RELN: variants seen among roughly 807,000 people sequenced by gnomAD.
RELN encodes the protein reelin.
In RELN, 108 loss-of-function variants were observed where a neutral mutation model predicts 427.6. The observed-to-expected ratio is 0.25, with a 90% confidence interval of 0.22 to 0.30. RELN has a LOEUF of 0.30. Ranked by LOEUF, RELN falls within the 10% of genes least tolerant of loss-of-function variation. The probability of loss-of-function intolerance (pLI) is 1.00; values close to 1 mark genes in which losing one functional copy is unlikely to be tolerated. For synonymous variants in RELN, 1,524 were observed against 1,513.4 expected, an observed-to-expected ratio of 1.01 and a Z score of -0.16; for missense variants, 3,715 against 4,302.8, an observed-to-expected ratio of 0.86 and a Z score of 3.82.
chr7:103,708,823 C>G (rs1789712445), intron 8 of RELN, among the ~76,000 whole-genome samples: 1 of 152,140 alleles, frequency 6.6e-6, no homozygotes. Flanking sequence ...GGTCACGCCC[C>G]TCAGAGGCCT....
At chr7:103,662,078 T>C (rs907314529) in intron 11 of RELN, among the ~76,000 whole-genome samples, 2 of 152,210 alleles carry the variant, frequency 1.3e-5, no homozygotes, top group Admixed American at 1.3e-4. Context: ...TTTTATTGAG[T>C]GCTAACTACC....
intron 64 of RELN, among the ~76,000 whole-genome samples, chr7:103,477,497 T>C (rs1419837101): frequency 6.6e-6 from 1 of 152,208 alleles, no homozygotes; most frequent in Non-Finnish European, 1.5e-5. Flanking sequence ...GAAATATTGG[T>C]GAGTGTAAGG....
At chr7:103,629,487 T>C (rs906022141) in intron 20 of RELN, among the ~76,000 whole-genome samples, 2 of 152,190 alleles carry the variant, frequency 1.3e-5, no homozygotes, top group Non-Finnish European at 2.9e-5. Flanking sequence ...TGGGGACTTA[T>C]ATAAGAGAGC....
At chr7:103,770,119 C>A (rs1791528061) in intron 4 of RELN, among the ~76,000 whole-genome samples, 1 of 152,160 alleles carries the variant, frequency 6.6e-6, no homozygotes, top group Non-Finnish European at 1.5e-5. Flanking sequence ...GAGTCTCACT[C>A]TATCGCCTAG....
At chr7:103,971,635 G>A (rs542763620) in intron 1 of RELN, among the ~76,000 whole-genome samples, 142 of 152,266 alleles carry the variant, frequency 9.3e-4, no homozygotes, top group Non-Finnish European at 1.5e-3. Context: ...ATGAAAAGTG[G>A]TATTATCTTT....
At chr7:103,848,602 C>G (rs1214477119) in intron 2 of RELN, among the ~76,000 whole-genome samples, 7 of 152,138 alleles carry the variant, frequency 4.6e-5, no homozygotes, top group Admixed American at 4.6e-4. Flanking sequence ...ACATTGCACT[C>G]TTCAATATCC....
At chr7:103,760,606 C>A (rs1424594767) in intron 4 of RELN, among the ~76,000 whole-genome samples, 1 of 151,686 alleles carries the variant, frequency 6.6e-6, no homozygotes, top group Admixed American at 6.6e-5. Flanking sequence ...GGTAAATGAG[C>A]TTTGAGCTAA....
intron 4 of RELN, among the ~76,000 whole-genome samples, chr7:103,773,401 GTCTCTCTCTCTCTCTCCCTCGCTCCCTC>G (rs1791650912): frequency 5.9e-4 from 5 of 8,444 alleles, no homozygotes; most frequent in South Asian, 4.2e-3. Flanking sequence ...CTCCCTCCCT[GTCTCTCTCTCTCTCTCCCTCGCTCCCTC>G]TCTCTCTCTC....
intron 53 of RELN, among the ~76,000 whole-genome samples, chr7:103,499,678 T>G (rs1828957898): frequency 6.6e-6 from 1 of 152,220 alleles, no homozygotes; most frequent in African/African-American, 2.4e-5. Flanking sequence ...GGATAGCAAA[T>G]GAATACGTTT....
intron 1 of RELN, among the ~76,000 whole-genome samples, chr7:103,947,604 C>A (rs1189024679): frequency 2.0e-5 from 3 of 152,146 alleles, no homozygotes; most frequent in Non-Finnish European, 2.9e-5. Context: ...GACTTCTATC[C>A]TCTAGAGCTG....
chr7:103,564,252 T>C (rs1354410882), intron 34 of RELN, among the ~76,000 whole-genome samples: 2 of 152,246 alleles, frequency 1.3e-5, no homozygotes. Flanking sequence ...TTCCCTTGCC[T>C]CTTGGTTGTA....
chr7:103,888,907 C>T (rs914124999), intron 2 of RELN, among the ~76,000 whole-genome samples: 1 of 152,198 alleles, frequency 6.6e-6, no homozygotes. Context: ...CTGACCCACA[C>T]TTATCATCCT....
intron 1 of RELN, among the ~76,000 whole-genome samples, chr7:103,926,667 C>T (rs1303259788): frequency 2.8e-5 from 3 of 108,314 alleles, no homozygotes; most frequent in Non-Finnish European, 5.4e-5. Flanking sequence ...TTTTTTGAGA[C>T]GGAGTCTCCC....
intron 51 of RELN, among the ~76,000 whole-genome samples, chr7:103,508,487 A>G (rs1253722354): frequency 6.6e-6 from 1 of 152,264 alleles, no homozygotes; most frequent in Non-Finnish European, 1.5e-5. Flanking sequence ...CTAGGTATTG[A>G]TGGAACATAT....
intron 3 of RELN, among the ~76,000 whole-genome samples, chr7:103,813,222 C>T (rs760286354): frequency 6.6e-6 from 1 of 152,078 alleles, no homozygotes. Flanking sequence ...TAGTCTCTCT[C>T]CCACCTCCAT....
At position 103,599,414 on chromosome 7, in the gene RELN, T is replaced by A. The variant is rs1357552650; in HGVS notation, c.3334-2753A>T. Among the ~76,000 whole-genome samples, 5 of 152,308 alleles carry A rather than the reference T, an allele frequency of 3.3e-5. No homozygotes were observed. In the East Asian group the frequency reaches 7.7e-4, roughly 24 times the overall value. On this transcript the variant is annotated intron_variant, in intron 24 of 64. Coordinates refer to ENST00000428762, the MANE Select transcript of RELN (RefSeq NM_005045.4). ...TGATTTCTTGTCAAGCCCCATTTAGTCATATGATCACTTATTAATTTTCCA... is the reference window on the plus strand; with the variant it reads ...TGATTTCTTGTCAAGCCCCATTTAGACATATGATCACTTATTAATTTTCCA...
intron 4 of RELN, among the ~76,000 whole-genome samples, chr7:103,761,636 G>T (rs539865875): frequency 5.9e-5 from 9 of 151,358 alleles, no homozygotes; most frequent in Admixed American, 1.3e-4. Flanking sequence ...TTTGGGGGGG[G>T]GTAGAGACAA....
At chr7:103,852,672 TTTGTTGTTGTTG>T (rs34952499) in intron 2 of RELN, among the ~76,000 whole-genome samples, 2 of 151,548 alleles carry the variant, frequency 1.3e-5, no homozygotes, top group African/African-American at 4.8e-5. Flanking sequence ...CACCTTTGTT[TTTGTTGTTGTTG>T]TTGTTGTTTG....
intron 20 of RELN, among the ~76,000 whole-genome samples, chr7:103,623,184 C>G (rs191673066): frequency 6.6e-6 from 1 of 152,198 alleles, no homozygotes; most frequent in African/African-American, 2.4e-5. Context: ...ATTTACCTAT[C>G]TATCTGCTAA....
Sources: allele counts gnomAD v4.1 joint callset (sites outside exome capture counted in the v4.1 genomes callset), GRCh38; gene constraint gnomAD v4.1.1; transcripts MANE v1.5; gene names NCBI Gene and HGNC (gene_info 2026-07-23, HGNC 2026-07-21).